Variants in ME1 observed in about 807,000 individuals in gnomAD.
ME1 encodes the protein malic enzyme 1, also known as NADP-dependent malic enzyme.
Under a neutral mutation model 66.4 loss-of-function variants are expected in ME1, and 74 were observed. That is an observed-to-expected ratio of 1.11 (90% CI 0.92 to 1.35). The LOEUF (loss-of-function observed/expected upper bound fraction) is 1.35, where lower values mean the gene tolerates loss of function less well. Among genes scored for constraint, ME1 ranks in the 40% most tolerant of loss-of-function variants. ME1 has a pLI of 0.00. For synonymous variants in ME1, 251 were observed against 235.6 expected, an observed-to-expected ratio of 1.07 and a Z score of -0.60; for missense variants, 750 against 694.1, an observed-to-expected ratio of 1.08 and a Z score of -0.90.
At chr6:83,307,817 G>A (rs1767854295) in intron 6 of ME1, among the ~76,000 whole-genome samples, 1 of 151,874 alleles carries the variant, frequency 6.6e-6, no homozygotes, top group Non-Finnish European at 1.5e-5. Context: ...CCTGAATAAG[G>A]GTGAAGAGCA....
chr6:83,343,134 C>A (rs941367471), intron 5 of ME1, among the ~76,000 whole-genome samples: 133 of 152,268 alleles, frequency 8.7e-4, no homozygotes, highest in African/African-American at 3.1e-3. Flanking sequence ...ATTTGTACCC[C>A]TTAACCAACC....
intron 6 of ME1, among the ~76,000 whole-genome samples, chr6:83,274,625 A>T (rs1005487204): frequency 6.6e-6 from 1 of 152,212 alleles, no homozygotes; most frequent in African/African-American, 2.4e-5. Flanking sequence ...ACCACTAAGC[A>T]TCAACATAAA....
intron 13 of ME1, among the ~76,000 whole-genome samples, chr6:83,215,445 T>C (rs1196339191): frequency 6.6e-6 from 1 of 152,188 alleles, no homozygotes; most frequent in Non-Finnish European, 1.5e-5. Flanking sequence ...GAAACCCCAA[T>C]TTAAACATAT....
chr6:83,253,018 G>A (rs1427411381), intron 7 of ME1, among the ~76,000 whole-genome samples: 4 of 152,064 alleles, frequency 2.6e-5, no homozygotes, highest in Admixed American at 6.6e-5. Flanking sequence ...ACCTCTTTAC[G>A]GTATTTCTCC....
intron 2 of ME1, among the ~76,000 whole-genome samples, chr6:83,399,922 A>G (rs1026862876): frequency 6.6e-6 from 1 of 152,226 alleles, no homozygotes; most frequent in South Asian, 2.1e-4. Context: ...TAGACATGAT[A>G]AAATTAATTT....
At chr6:83,230,290 C>A (rs1029390311) in intron 9 of ME1, among the ~76,000 whole-genome samples, 3 of 152,056 alleles carry the variant, frequency 2.0e-5, no homozygotes, top group Non-Finnish European at 4.4e-5. Context: ...TATTCTCCTG[C>A]CTCAGCCTTC....
chr6:83,430,023 G>A (rs530757236), intron 1 of ME1, among the ~76,000 whole-genome samples: 7 of 152,228 alleles, frequency 4.6e-5, no homozygotes, highest in African/African-American at 1.7e-4. Context: ...TTATTTGAGA[G>A]ACATCCCGAG....
chr6:83,251,685 A>G (rs1423883375), intron 7 of ME1, among the ~76,000 whole-genome samples: 2 of 152,180 alleles, frequency 1.3e-5, no homozygotes, highest in African/African-American at 2.4e-5. Flanking sequence ...AGAGATCAAC[A>G]TTTGGCTAGA....
intron 6 of ME1, among the ~76,000 whole-genome samples, chr6:83,292,448 A>G (rs1213089104): frequency 6.6e-6 from 1 of 152,160 alleles, no homozygotes; most frequent in Non-Finnish European, 1.5e-5. Context: ...TCACCAGTGG[A>G]GGCTGCAGAA....
At chr6:83,350,861 G>C (rs946189297) in intron 4 of ME1, among the ~76,000 whole-genome samples, 5 of 149,764 alleles carry the variant, frequency 3.3e-5, no homozygotes, top group African/African-American at 1.2e-4. Flanking sequence ...AGACATTTAT[G>C]CTTTATACAA....
chr6:83,294,880 G>C (rs1767569619), intron 6 of ME1, among the ~76,000 whole-genome samples: 1 of 152,174 alleles, frequency 6.6e-6, no homozygotes. Context: ...GGAAGTGAGA[G>C]ACCCTCAGCC....
At chr6:83,236,359 T>C (rs1214920813) in intron 9 of ME1, among the ~76,000 whole-genome samples, 5 of 152,148 alleles carry the variant, frequency 3.3e-5, no homozygotes, top group Admixed American at 2.0e-4. Flanking sequence ...CTCAAAAATA[T>C]AAACTTTTAA....
Position 83,228,895 on chromosome 6 carries a change from C to G in ME1, c.1063G>C (p.Ala355Pro). Residue 355 changes from alanine to proline, a missense_variant, in exon 10 of 14, where the codon GCC becomes CCC. Ala to Pro is a conservative substitution (Grantham distance 27). Coordinates refer to ENST00000369705, the MANE Select transcript of ME1 (RefSeq NM_002395.6). The stretch of plus-strand genomic sequence containing the variant: ...TTCTTCATTTCTTCATGTTCATGGG[C>G]AAACTTCTCTTTCTCTTGTGTTAAG... ...ASLTQEKEKFAHEHEEMKNLE... is the reference protein window; with the variant it reads ...ASLTQEKEKFPHEHEEMKNLE... The G allele has an allele frequency of 6.2e-7, 1 of 1,612,930 alleles. No individual in the cohort carries two copies. The highest frequency in any genetic ancestry group is 2.2e-5 in the East Asian group (1 of 44,842).
rs545644536 is a variant in ME1, at chr6:83,244,903, A to G, written c.815-5267T>C. 3.9e-5 allele frequency among the ~76,000 whole-genome samples: 6 copies of G among 152,312 alleles called. No individual in the cohort carries two copies. The East Asian group carries it at 1.2e-3, about 29-fold the overall frequency. On this transcript the variant is annotated intron_variant, in intron 7 of 13. Transcript: ENST00000369705. Reference sequence around the variant, plus strand: ...AAAGAGCATATACTTACCTGAAAACAGAGAGAAGTAATGACAAAGAACAAA... The same window carrying G: ...AAAGAGCATATACTTACCTGAAAACGGAGAGAAGTAATGACAAAGAACAAA...
At chr6:83,413,865 T>C (rs557811432) in intron 1 of ME1, among the ~76,000 whole-genome samples, 1 of 152,096 alleles carries the variant, frequency 6.6e-6, no homozygotes, top group South Asian at 2.1e-4. Flanking sequence ...TCCCAGCACA[T>C]TGGGAGGGTA....
Position 83,405,814 on chromosome 6 carries a change from C to T in ME1, c.212+1954G>A, listed in dbSNP as rs1489090974. Among the ~76,000 whole-genome samples the T allele has an allele frequency of 4.0e-4, 60 of 150,536 alleles. 1 individual carries two copies. In the South Asian group the frequency reaches 8.6e-3, roughly 22 times the overall value. Reference sequence around the variant, plus strand: ...TCGGCTCACTGCAAGCTCCGCCTCCCGGGTTCACGCCATTCTCCTGCCTCA... The same window carrying T: ...TCGGCTCACTGCAAGCTCCGCCTCCTGGGTTCACGCCATTCTCCTGCCTCA... On this transcript the variant is annotated intron_variant, in intron 2 of 13. Transcript: ENST00000369705.
intron 9 of ME1, among the ~76,000 whole-genome samples, chr6:83,229,392 G>A (rs1237463823): frequency 6.6e-6 from 1 of 152,062 alleles, no homozygotes; most frequent in East Asian, 1.9e-4. Context: ...GATTTTCTCA[G>A]TAAGTATGCA....
intron 6 of ME1, among the ~76,000 whole-genome samples, chr6:83,297,747 G>C (rs758826989): frequency 6.6e-6 from 1 of 151,968 alleles, no homozygotes; most frequent in Non-Finnish European, 1.5e-5. Context: ...TCCCTGCCCC[G>C]ACACCCGACA....
chr6:83,325,721 C>T (rs1583382281), intron 5 of ME1, among the ~76,000 whole-genome samples: 2 of 150,210 alleles, frequency 1.3e-5, no homozygotes, highest in African/African-American at 2.5e-5. Context: ...AGAGAGGACA[C>T]AAACAAATGG....
Sources: allele counts gnomAD v4.1 joint callset (sites outside exome capture counted in the v4.1 genomes callset), GRCh38; gene constraint gnomAD v4.1.1; transcripts MANE v1.5; gene names NCBI Gene and HGNC (gene_info 2026-07-23, HGNC 2026-07-21).